The following PTPRM variants were observed in gnomAD, a reference collection of about 807,000 sequenced individuals.
The protein encoded by PTPRM is receptor-type tyrosine-protein phosphatase mu.
In PTPRM, 47 loss-of-function variants were observed where a neutral mutation model predicts 186.7. The ratio of observed to expected loss-of-function variants is 0.25; its 90% CI spans 0.20 to 0.32. The LOEUF is 0.32. Ranked by LOEUF, PTPRM falls within the 10% of genes least tolerant of loss-of-function variation. The probability of loss-of-function intolerance (pLI) is 1.00; values close to 1 mark genes in which losing one functional copy is unlikely to be tolerated. For synonymous variants in PTPRM, 668 were observed against 674.9 expected (o/e 0.99, Z 0.16); for missense variants, 1,494 against 1,865.0 (o/e 0.80, Z 3.66).
chr18:7,633,793 C>G lies in PTPRM; in HGVS notation c.73+65902C>G, dbSNP rs1245178861. On this transcript the variant is annotated intron_variant, in intron 1 of 32. Transcript: ENST00000580170. ...GAGTCATCCTGATTCCTGTTTCTCT[C>G]ATGCCTACATTCAGCCAGTCAGCAG... 4.6e-5 allele frequency among the ~76,000 whole-genome samples: 7 copies of G among 152,314 alleles called. No individual in the cohort carries two copies. In the East Asian group the frequency reaches 5.8e-4, roughly 13 times the overall value.
intron 14 of PTPRM, among the ~76,000 whole-genome samples, chr18:8,240,618 GGAGAGAGAGAGAGAGAGAGA>G (rs372227037): frequency 5.7e-5 from 2 of 34,800 alleles, no homozygotes; most frequent in East Asian, 7.8e-4. Context: ...AGAGAGGGAG[GGAGAGAGAGAGAGAGAGAGA>G]GAGAGAGAGA....
At chr18:7,892,127 A>G (rs746718123) in intron 3 of PTPRM, among the ~76,000 whole-genome samples, 2 of 152,100 alleles carry the variant, frequency 1.3e-5, no homozygotes, top group Non-Finnish European at 2.9e-5. Context: ...CTCCTAGTTG[A>G]TATCAGAAGG....
intron 22 of PTPRM, among the ~76,000 whole-genome samples, chr18:8,321,739 C>T (rs1457923212): frequency 3.3e-5 from 5 of 152,046 alleles, no homozygotes; most frequent in South Asian, 2.1e-4. Flanking sequence ...CTGCTGGTGG[C>T]GGTGCAGGGA....
intron 7 of PTPRM, among the ~76,000 whole-genome samples, chr18:8,056,257 T>C (rs2087926544): frequency 6.6e-6 from 1 of 152,202 alleles, no homozygotes; most frequent in African/African-American, 2.4e-5. Flanking sequence ...ACAGTTGCTA[T>C]AGCCAAAGAA....
chr18:8,352,662 G>GTT (rs71165783), intron 23 of PTPRM, among the ~76,000 whole-genome samples: 2 of 93,032 alleles, frequency 2.1e-5, no homozygotes, highest in Non-Finnish European at 4.6e-5. Context: ...GGTTTTTTTT[G>GTT]TTTGTTTGTT....
intron 3 of PTPRM, among the ~76,000 whole-genome samples, chr18:7,905,139 G>A (rs920185004): frequency 3.3e-5 from 5 of 152,218 alleles, no homozygotes; most frequent in Non-Finnish European, 5.9e-5. Context: ...GATTACAGGC[G>A]TATGCCACCA....
At chr18:8,218,984 A>T (rs1285560268) in intron 14 of PTPRM, among the ~76,000 whole-genome samples, 1 of 152,150 alleles carries the variant, frequency 6.6e-6, no homozygotes, top group Non-Finnish European at 1.5e-5. Context: ...AGGGAAACTG[A>T]TGGAGCTCTC....
At chr18:8,218,374 A>G (rs1401631622) in intron 14 of PTPRM, among the ~76,000 whole-genome samples, 2 of 152,204 alleles carry the variant, frequency 1.3e-5, no homozygotes, top group African/African-American at 2.4e-5. Flanking sequence ...AAGAACGGTT[A>G]AACTATTAGC....
intron 2 of PTPRM, among the ~76,000 whole-genome samples, chr18:7,868,134 A>G (rs1176876688): frequency 2.6e-5 from 4 of 152,082 alleles, no homozygotes; most frequent in Admixed American, 2.6e-4. Context: ...CTTGACTTGC[A>G]TTAGGACATG....
At chr18:8,350,933 C>T (rs1205984391) in intron 23 of PTPRM, among the ~76,000 whole-genome samples, 3 of 9,432 alleles carry the variant, frequency 3.2e-4, no homozygotes. Context: ...TACACAGTCG[C>T]CTGCAGAGCC....
chr18:7,640,343 A>G (rs922422589), intron 1 of PTPRM, among the ~76,000 whole-genome samples: 1 of 152,172 alleles, frequency 6.6e-6, no homozygotes, highest in East Asian at 1.9e-4. Flanking sequence ...AAATAATTAT[A>G]TGAAAGGAGC....
chr18:8,076,774 TG>T (rs1310480780), intron 9 of PTPRM, among the ~76,000 whole-genome samples: 3 of 152,154 alleles, frequency 2.0e-5, no homozygotes, highest in African/African-American at 7.2e-5. Context: ...TACAATGAGT[TG>T]GACCTTTCCA....
chr18:7,910,379 G>A (rs989388109), intron 4 of PTPRM, among the ~76,000 whole-genome samples: 3 of 152,318 alleles, frequency 2.0e-5, no homozygotes, highest in East Asian at 3.9e-4. Flanking sequence ...AAAGAATGAA[G>A]CAACAAAAGC....
chr18:7,682,277 T>C (rs550653326), intron 1 of PTPRM, among the ~76,000 whole-genome samples: 2 of 152,308 alleles, frequency 1.3e-5, no homozygotes, highest in East Asian at 3.9e-4. Context: ...GAAATAAAGC[T>C]ATTTCAAGGG....
rs116238765 is a variant in PTPRM, at chr18:7,937,302, C to T, written c.663+10619C>T. Among the ~76,000 whole-genome samples the T allele has an allele frequency of 2.7e-3, 405 of 152,330 alleles. 1 individual carries two copies. The highest frequency in any genetic ancestry group is 9.2e-3 in the African/African-American group (383 of 41,588). ...CGAGCCAGGGCTGTGACACCCTCTTCGTGGCTCTGCAGTTCCTGGTGTCTG... is the reference window on the plus strand; with the variant it reads ...CGAGCCAGGGCTGTGACACCCTCTTTGTGGCTCTGCAGTTCCTGGTGTCTG... On this transcript the variant is annotated intron_variant, in intron 5 of 32. Transcript: ENST00000580170.
At chr18:7,996,076 C>T (rs10153331) in intron 7 of PTPRM, among the ~76,000 whole-genome samples, 97,991 of 151,792 alleles carry the variant, frequency 0.65, 31,912 homozygotes, top group African/African-American at 0.73. Context: ...TGTTTAGTTC[C>T]CTTCAAGGTT....
At chr18:8,238,843 A>G (rs2094381858) in intron 14 of PTPRM, among the ~76,000 whole-genome samples, 1 of 150,474 alleles carries the variant, frequency 6.6e-6, no homozygotes, top group South Asian at 2.1e-4. Context: ...CTTCACAAAT[A>G]CTTCTCATTA....
chr18:7,719,631 A>G (rs191686714), intron 1 of PTPRM, among the ~76,000 whole-genome samples: 10 of 152,358 alleles, frequency 6.6e-5, no homozygotes, highest in Admixed American at 1.3e-4. Flanking sequence ...TAGACTACAG[A>G]TAAGGTCAGC....
At chr18:7,924,020 A>C (rs577695339) in intron 4 of PTPRM, among the ~76,000 whole-genome samples, 1 of 152,356 alleles carries the variant, frequency 6.6e-6, no homozygotes, top group Non-Finnish European at 1.5e-5. Context: ...AGAACAAGGA[A>C]ACAAAAAGAA....
Sources: gnomAD v4.1 joint callset for allele counts (sites outside exome capture counted in the v4.1 genomes callset) on GRCh38, gnomAD v4.1.1 for gene constraint, MANE v1.5 for transcripts, NCBI Gene and HGNC (gene_info 2026-07-23, HGNC 2026-07-21) for gene names.